Variants in CDH5 observed in about 807,000 individuals in gnomAD.
CDH5 encodes cadherin 5.
A neutral mutation model predicts 62.0 loss-of-function variants in CDH5; 28 were observed. The ratio of observed to expected loss-of-function variants is 0.45; its 90% confidence interval spans 0.33 to 0.62. The LOEUF (loss-of-function observed/expected upper bound fraction) is 0.62, where lower values mean the gene tolerates loss of function less well. Among genes scored for constraint, CDH5 ranks in the 20% least tolerant of loss-of-function variants. The pLI is 0.02. For missense variants in CDH5, 940 were observed against 1,065.1 expected (o/e 0.88, Z 1.63); for synonymous variants, 464 against 445.8 (o/e 1.04, Z -0.52).
At chr16:66,380,618 AATG>A (rs1393910853) in intron 2 of CDH5, among the ~76,000 whole-genome samples, 1 of 151,114 alleles carries the variant, frequency 6.6e-6, no homozygotes, top group Non-Finnish European at 1.5e-5. Flanking sequence ...ATGAAAGATA[AATG>A]ATGATGATGG....
chr16:66,392,071 C>T (rs1232213342), intron 6 of CDH5, 65 bp from the exon 7 acceptor site: 8 of 1,597,394 alleles, frequency 5.0e-6, no homozygotes, highest in African/African-American at 2.7e-5. Flanking sequence ...AGTTGCTGTG[C>T]AGATCATGTG....
chr16:66,396,070 G>A lies in CDH5; in HGVS notation c.1229G>A (p.Arg410His), dbSNP rs139755397. The A allele has an allele frequency of 1.5e-3, 2,467 of 1,613,758 alleles. 6 individuals carry two copies. Among genetic ancestry groups the A allele is most frequent in the East Asian group, 6.8e-3 (306 of 44,884 alleles). ...AARHSIGYSI[R>H]RTSDKGQFFR... ...TCTCCCCTGGGCAGATACTCCATCCGCAGGACCAGTGACAAGGGCCAGTTC... is the reference window on the plus strand; with the variant it reads ...TCTCCCCTGGGCAGATACTCCATCCACAGGACCAGTGACAAGGGCCAGTTC... Residue 410 changes from arginine to histidine, a missense_variant, in exon 8 of 12, where the codon CGC becomes CAC. Coordinates refer to ENST00000341529, the MANE Select transcript of CDH5 (RefSeq NM_001795.5).
intron 2 of CDH5, among the ~76,000 whole-genome samples, chr16:66,379,967 T>G: frequency 4.4e-5 from 2 of 45,060 alleles, no homozygotes; most frequent in African/African-American, 1.7e-4. Context: ...GATAAAGGGG[T>G]AGGTGTTGGT....
rs1256410323 is a variant in CDH5 at position 66,400,808 on chromosome 16, T to G, written c.1629T>G (p.Phe543Leu). ...ACATCACAGTCAAGTATGGGCAGTT[T>G]GACCGGGAGCATACCAAGGTCCACT... ...TANITVKYGQ[F>L]DREHTKVHFL... The change falls in exon 11 of 12, where the codon TTT becomes TTG. Residue 543 changes from phenylalanine to leucine, a missense_variant. Phe to Leu is a conservative substitution (Grantham distance 22). Transcript: ENST00000341529. 6.2e-7 allele frequency: 1 copy of G among 1,614,224 alleles called. No individual in the cohort carries two copies. The highest frequency in any genetic ancestry group is 1.3e-5 in the African/African-American group (1 of 75,066).
chr16:66,378,463 T>C lies in CDH5; in HGVS notation c.-19-856T>C, dbSNP rs182525320. Among the ~76,000 whole-genome samples the C allele has an allele frequency of 3.8e-3, 584 of 152,278 alleles. 1 individual carries two copies. The highest frequency in any genetic ancestry group is 6.7e-3 in the Non-Finnish European group (457 of 68,024). On this transcript the variant is annotated intron_variant, in intron 1 of 11. Coordinates refer to ENST00000341529, the MANE Select transcript of CDH5 (RefSeq NM_001795.5). ...GGGAAGATTAAATAGATAAGATATA[T>C]AAAGTGCTTGAAACAGTGCCAGGCA...
At chr16:66,395,987 T>C in intron 7 of CDH5, 72 bp from the exon 8 acceptor site, 1 of 1,503,736 alleles carries the variant, frequency 6.7e-7, no homozygotes, top group Non-Finnish European at 9.1e-7. Context: ...AGAAGGGCCT[T>C]GTCCATCATG....
At chr16:66,370,453 T>C (rs771520726) in intron 1 of CDH5, among the ~76,000 whole-genome samples, 1 of 152,186 alleles carries the variant, frequency 6.6e-6, no homozygotes, top group Non-Finnish European at 1.5e-5. Flanking sequence ...CCAACAATTG[T>C]ACCTACTCTG....
chr16:66,403,462 G>T lies in CDH5; in HGVS notation c.*293G>T. The T allele has an allele frequency of 2.3e-6, 1 of 441,788 alleles. No homozygotes were observed. Among genetic ancestry groups the T allele is most frequent in the Non-Finnish European group, 4.1e-6 (1 of 242,044 alleles). The allele number at this position is 441,788 out of a possible 1,614,324, so 27.4% of individuals were successfully genotyped here. ...CCCACAGACCGCCGTCTAACTCAAA[G>T]ACTTCCTCTGGCTCCCCAAGGCTGC... On this transcript the variant is annotated 3_prime_UTR_variant, in exon 12 of 12. Coordinates refer to ENST00000341529, the MANE Select transcript of CDH5 (RefSeq NM_001795.5). This position sits in a 1 kb window ranked among gnomAD's most constrained non-coding sequence, Gnocchi z 4.3.
At chr16:66,400,673 A>T in intron 10 of CDH5, 98 bp from the exon 11 acceptor site, 1 of 1,450,034 alleles carries the variant, frequency 6.9e-7, no homozygotes, top group Non-Finnish European at 9.6e-7. Context: ...CCCAGGGAGC[A>T]CGCAGGCTGG....
In CDH5 at chr16:66,394,725, TA is replaced by T. The variant is rs370015035; in HGVS notation, c.1218-1326del. 5.7e-3 allele frequency among the ~76,000 whole-genome samples: 864 copies of T among 152,190 alleles called. 8 individuals are homozygous for T. The highest frequency in any genetic ancestry group is 0.018 in the African/African-American group (760 of 41,536). ...ACACCCATTGCTTTTCTATGTATGA[TA>T]AAAAAAATCAATAGTTTTGTTTTAA... is the stretch of plus-strand genomic sequence containing the variant. On this transcript the variant is annotated intron_variant, in intron 7 of 11. Transcript: ENST00000341529.
intron 11 of CDH5, 66 bp from the exon 12 acceptor site, chr16:66,402,586 G>C: frequency 7.1e-7 from 1 of 1,402,524 alleles, no homozygotes; most frequent in Non-Finnish European, 9.4e-7. Flanking sequence ...AGTGGGGATG[G>C]GGGCATGGGG....
chr16:66,396,074 G>A lies in CDH5; in HGVS notation c.1233G>A (p.Arg411=), dbSNP rs1240853218. The part of the protein sequence containing the change: ...ARHSIGYSIR[R]TSDKGQFFRV... ...CCCTGGGCAGATACTCCATCCGCAG[G>A]ACCAGTGACAAGGGCCAGTTCTTCC... The change falls in exon 8 of 12, where the codon AGG becomes AGA. Residue 411 remains arginine (R), a synonymous_variant. Transcript: ENST00000341529. 2 of 1,613,858 alleles carry A rather than the reference G, an allele frequency of 1.2e-6. No individual in the cohort carries two copies. The highest frequency in any genetic ancestry group is 1.7e-6 in the Non-Finnish European group (2 of 1,179,998).
At chr16:66,395,076 TCTCA>T (rs1334871842) in intron 7 of CDH5, among the ~76,000 whole-genome samples, 1 of 123,538 alleles carries the variant, frequency 8.1e-6, no homozygotes, top group Non-Finnish European at 1.7e-5. Context: ...TGAGACAGGG[TCTCA>T]CTCTGTCACC....
chr16:66,398,159 G>A (rs1432103760), intron 9 of CDH5, 53 bp downstream of exon 9: 19 of 1,610,500 alleles, frequency 1.2e-5, no homozygotes, highest in South Asian at 4.4e-5. Context: ...GGGCAGGCTG[G>A]GGGGCAGAAC....
chr16:66,374,231 C>T (rs1262933148), intron 1 of CDH5, among the ~76,000 whole-genome samples: 2 of 152,164 alleles, frequency 1.3e-5, no homozygotes, highest in Non-Finnish European at 2.9e-5. Flanking sequence ...CCGTCCCAGG[C>T]GAGAAAGAGC....
intron 1 of CDH5, among the ~76,000 whole-genome samples, chr16:66,371,281 C>T (rs1307105752): frequency 6.6e-6 from 1 of 152,100 alleles, no homozygotes; most frequent in South Asian, 2.1e-4. Flanking sequence ...AATGGGAAAG[C>T]GGTGGGGAGA....
At chr16:66,388,300 A>T in intron 3 of CDH5, 24 bp from the exon 4 acceptor site, 4 of 1,508,558 alleles carry the variant, frequency 2.7e-6, no homozygotes, top group Non-Finnish European at 3.7e-6. Flanking sequence ...ACAAGTCAGC[A>T]ACCCCAGGAT....
At chr16:66,398,726 C>T (rs1049316484) in intron 10 of CDH5, among the ~76,000 whole-genome samples, 165 bp downstream of exon 10, 2 of 152,056 alleles carry the variant, frequency 1.3e-5, no homozygotes, top group African/African-American at 4.8e-5. Context: ...AGCGAGACCC[C>T]GTCTCCAAAA....
rs773062542 is a variant in CDH5 at position 66,402,906 on chromosome 16, G to A, written c.2092G>A (p.Ala698Thr). Residue 698 changes from alanine (A) to threonine (T), a missense_variant, in exon 12 of 12, where the codon GCA becomes ACA. By Grantham distance (58) the Ala-to-Thr change is moderately conservative (BLOSUM62 0). Transcript: ENST00000341529. Reference protein sequence around the residue: ...VQKPPRHAPGAHGGPGEMAAM... With the variant: ...VQKPPRHAPGTHGGPGEMAAM... ...GAAGCCACCGAGGCACGCGCCTGGG[G>A]CACACGGAGGGCCCGGGGAGATGGC... 20 of 1,611,466 alleles carry A rather than the reference G, an allele frequency of 1.2e-5. No individual in the cohort carries two copies. The South Asian group carries it at 2.0e-4, about 16-fold the overall frequency.
Sources: gnomAD v4.1 joint callset for allele counts (sites outside exome capture counted in the v4.1 genomes callset) on GRCh38, gnomAD v4.1.1 for gene constraint, Gnocchi (gnomAD v3.1) non-coding constraint, MANE v1.5 for transcripts, NCBI Gene and HGNC (gene_info 2026-07-23, HGNC 2026-07-21) for gene names.